The following CCBE1 variants were observed in gnomAD, a reference collection of about 807,000 sequenced individuals.
CCBE1 encodes collagen and calcium binding EGF domains 1.
In CCBE1, 37 loss-of-function variants were observed where a neutral mutation model predicts 50.0. The ratio of observed to expected loss-of-function variants is 0.74; its 90% CI spans 0.57 to 0.97. The LOEUF (loss-of-function observed/expected upper bound fraction) is 0.97, where lower values mean the gene tolerates loss of function less well. Ranked by LOEUF, CCBE1 falls within the 50% of genes least tolerant of loss-of-function variation. CCBE1 has a pLI of 0.00. For missense variants in CCBE1, 538 were observed against 523.8 expected, an observed-to-expected ratio of 1.03 and a Z score of -0.26; for synonymous variants, 234 against 203.7, an observed-to-expected ratio of 1.15 and a Z score of -1.27.
chr18:59,609,382 G>A (rs1017049666), intron 2 of CCBE1, among the ~76,000 whole-genome samples: 1 of 152,200 alleles, frequency 6.6e-6, no homozygotes, highest in Admixed American at 6.5e-5. Flanking sequence ...GTCCAAATCT[G>A]TAATTATCTT....
chr18:59,601,600 G>A (rs1180743703), intron 2 of CCBE1, among the ~76,000 whole-genome samples: 1 of 152,140 alleles, frequency 6.6e-6, no homozygotes, highest in Non-Finnish European at 1.5e-5. Context: ...GTTTCACCAT[G>A]TTGTTCAGGC....
intron 2 of CCBE1, 137 bp from the exon 3 acceptor site, chr18:59,480,375 AAGGCAATCTG>A (rs1306080476): frequency 3.2e-6 from 2 of 619,830 alleles, no homozygotes; most frequent in African/African-American, 3.7e-5. Context: ...AAGTATTTTT[AAGGCAATCTG>A]AGATTAAAAG....
At chr18:59,444,034 C>T (rs1273644788) in intron 7 of CCBE1, among the ~76,000 whole-genome samples, 3 of 152,104 alleles carry the variant, frequency 2.0e-5, no homozygotes, top group Admixed American at 6.6e-5. Flanking sequence ...GCCTAATATC[C>T]TTAAGATTCA....
chr18:59,449,675 T>C (rs1910841384), intron 6 of CCBE1, among the ~76,000 whole-genome samples: 2 of 151,902 alleles, frequency 1.3e-5, no homozygotes, highest in African/African-American at 4.8e-5. Flanking sequence ...CTGACTTTGT[T>C]CCTAAGTAGC....
intron 2 of CCBE1, among the ~76,000 whole-genome samples, chr18:59,642,948 CAAAAAAA>C (rs10683687): frequency 3.2e-5 from 3 of 94,170 alleles, no homozygotes; most frequent in African/African-American, 1.2e-4. Context: ...GACTCCACCT[CAAAAAAA>C]AAAAAAAAAA....
intron 2 of CCBE1, among the ~76,000 whole-genome samples, chr18:59,675,154 CA>C (rs2144717818): frequency 6.6e-6 from 1 of 152,268 alleles, no homozygotes; most frequent in Admixed American, 6.5e-5. Context: ...GTCAGCTGCC[CA>C]AAGTGTCACT....
chr18:59,670,346 C>CTT (rs2054415155), intron 2 of CCBE1, among the ~76,000 whole-genome samples: 1 of 152,096 alleles, frequency 6.6e-6, no homozygotes, highest in Admixed American at 6.5e-5. Context: ...TTAACTAATT[C>CTT]ATTCCTCTTC....
chr18:59,508,634 C>T (rs967052319), intron 2 of CCBE1, among the ~76,000 whole-genome samples: 5 of 151,366 alleles, frequency 3.3e-5, no homozygotes, highest in African/African-American at 1.2e-4. Context: ...AAAGAAACTA[C>T]CCCATAATGT....
chr18:59,642,688 G>A (rs1204284401), intron 2 of CCBE1, among the ~76,000 whole-genome samples: 2 of 152,142 alleles, frequency 1.3e-5, no homozygotes, highest in African/African-American at 2.4e-5. Context: ...GGTGGCTCAC[G>A]CCTGTAATCC....
intron 2 of CCBE1, among the ~76,000 whole-genome samples, chr18:59,482,437 A>G (rs557611586): frequency 1.3e-5 from 2 of 152,334 alleles, no homozygotes; most frequent in East Asian, 3.9e-4. Context: ...CAGCAATCCC[A>G]TTACTGTGTA....
chr18:59,462,114 A>G (rs1166443143), intron 5 of CCBE1, among the ~76,000 whole-genome samples: 1 of 152,212 alleles, frequency 6.6e-6, no homozygotes, highest in Admixed American at 6.5e-5. Context: ...TTGATTAAAC[A>G]GGACATCCCT....
intron 2 of CCBE1, among the ~76,000 whole-genome samples, chr18:59,632,217 A>T (rs538275539): frequency 4.6e-5 from 7 of 152,340 alleles, no homozygotes; most frequent in African/African-American, 1.7e-4. Flanking sequence ...CCTCAGGATC[A>T]CGAGGGCACT....
At chr18:59,503,965 T>C (rs573685544) in intron 2 of CCBE1, among the ~76,000 whole-genome samples, 2 of 152,218 alleles carry the variant, frequency 1.3e-5, no homozygotes, top group Non-Finnish European at 2.9e-5. Context: ...TGTTTGTCTT[T>C]CCATCCCGGC....
chr18:59,689,764 C>G (rs750790611), intron 2 of CCBE1, among the ~76,000 whole-genome samples: 3 of 152,232 alleles, frequency 2.0e-5, no homozygotes, highest in Non-Finnish European at 4.4e-5. Context: ...ATCCACATCA[C>G]AGGTCACATG....
chr18:59,452,191 C>A (rs938195061), intron 6 of CCBE1, among the ~76,000 whole-genome samples: 1 of 152,126 alleles, frequency 6.6e-6, no homozygotes, highest in Non-Finnish European at 1.5e-5. Flanking sequence ...TGGGGTTGGC[C>A]ATGGTCTAGG....
chr18:59,461,729 C>CTTT lies in CCBE1; in HGVS notation c.553+5007_553+5009dup, dbSNP rs36013463. 6.3e-3 allele frequency among the ~76,000 whole-genome samples: 688 copies of CTTT among 109,186 alleles called. 20 individuals carry two copies. The highest frequency in any genetic ancestry group is 0.02 in the African/African-American group (559 of 27,366). 71.6% of individuals were successfully genotyped at this position (109,186 alleles called of 152,430 possible). On this transcript the variant is annotated intron_variant, in intron 5 of 10. Coordinates refer to ENST00000439986, the MANE Select transcript of CCBE1 (RefSeq NM_133459.4). ...GAGAGGATTCCCAGCCAGGTGTAAT[C>CTTT]TTTTTTTTTTTTTTTTTTTTTGAGA...
chr18:59,484,421 G>C (rs189472349), intron 2 of CCBE1, among the ~76,000 whole-genome samples: 1 of 152,178 alleles, frequency 6.6e-6, no homozygotes, highest in Admixed American at 6.5e-5. Flanking sequence ...GTTTGATGGC[G>C]TTTTAAAGTT....
chr18:59,499,325 C>G (rs114296357), intron 2 of CCBE1, among the ~76,000 whole-genome samples: 1 of 152,016 alleles, frequency 6.6e-6, no homozygotes, highest in South Asian at 2.1e-4. Flanking sequence ...GTGATGCTTT[C>G]GTGGTGAGGG....
chr18:59,608,879 G>A lies in CCBE1; in HGVS notation c.212+87750C>T, dbSNP rs374838539. Among the ~76,000 whole-genome samples the A allele has an allele frequency of 8.3e-4, 126 of 152,202 alleles. 1 individual carries two copies. Among genetic ancestry groups the A allele is most frequent in the African/African-American group, 1.8e-3 (75 of 41,512 alleles). The stretch of plus-strand genomic sequence containing the variant: ...CCTGTCCAAATCTCTTGAAGCAGTC[G>A]TCTATATGTGTCATCTCTTCTCTCA... On this transcript the variant is annotated intron_variant, in intron 2 of 10. Transcript: ENST00000439986.
Sources: gnomAD v4.1 joint callset for allele counts (sites outside exome capture counted in the v4.1 genomes callset) on GRCh38, gnomAD v4.1.1 for gene constraint, MANE v1.5 for transcripts, NCBI Gene and HGNC (gene_info 2026-07-23, HGNC 2026-07-21) for gene names.